The following PRKN variants were observed in gnomAD, a reference collection of about 807,000 sequenced individuals.
PRKN encodes the protein E3 ubiquitin-protein ligase parkin.
Under a neutral mutation model 59.5 loss-of-function variants are expected in PRKN, and 56 were observed. The observed-to-expected ratio is 0.94, with a 90% confidence interval of 0.76 to 1.18. PRKN has a LOEUF of 1.18. Among genes scored for constraint, PRKN ranks in the 50% most tolerant of loss-of-function variants. The pLI, the probability that PRKN is intolerant of heterozygous loss-of-function variation, is 0.00. For synonymous variants in PRKN, 250 were observed against 222.1 expected (o/e 1.13, Z -1.12); for missense variants, 657 against 596.4 (o/e 1.10, Z -1.06).
intron 6 of PRKN, among the ~76,000 whole-genome samples, chr6:161,825,915 A>G (rs1792225049): frequency 6.6e-6 from 1 of 152,162 alleles, no homozygotes; most frequent in African/African-American, 2.4e-5. Flanking sequence ...AGGGCCCCTG[A>G]AGCTGCGGCC....
intron 2 of PRKN, among the ~76,000 whole-genome samples, chr6:162,422,814 C>T (rs1359128968): frequency 2.6e-5 from 4 of 151,942 alleles, no homozygotes; most frequent in East Asian, 3.9e-4. Context: ...GACATGATGG[C>T]GTGCACCAGT....
rs763588687 is a variant in PRKN at position 161,347,613 on chromosome 6, G to GTTTTTTTTTTTTTTTTTTTTTTTTTT, written c.*2485_*2486insAAAAAAAAAAAAAAAAAAAAAAAAAA. The GTTTTTTTTTTTTTTTTTTTTTTTTTT allele has an allele frequency of 8.4e-6, 1 of 119,274 alleles. No homozygotes were observed. The allele number at this position is 119,274 out of a possible 1,614,324, so 7.4% of individuals were successfully genotyped here. A position where few individuals can be genotyped will look rare whatever the true frequency, so the allele number is the denominator to read the frequency against. ...GTGTAGTGGATGATCTTGCTTTTTT[G>GTTTTTTTTTTTTTTTTTTTTTTTTTT]TTTTTGTTTTTTTTTTTTTTTTGAG... On this transcript the variant is annotated 3_prime_UTR_variant, in exon 12 of 12. Transcript: ENST00000366898.
intron 7 of PRKN, among the ~76,000 whole-genome samples, chr6:161,676,725 CAAAGG>C (rs1191470013): frequency 6.6e-6 from 1 of 152,178 alleles, no homozygotes; most frequent in Non-Finnish European, 1.5e-5. Flanking sequence ...CAGGCCTAGT[CAAAGG>C]CTGGCCTGTT....
At chr6:161,885,440 A>G (rs542811022) in intron 6 of PRKN, among the ~76,000 whole-genome samples, 59 of 152,214 alleles carry the variant, frequency 3.9e-4, no homozygotes, top group East Asian at 5.8e-4. Flanking sequence ...CGAGGCGGGC[A>G]GATCACGAGG....
chr6:161,759,325 G>A (rs928031651), intron 7 of PRKN, among the ~76,000 whole-genome samples: 2 of 152,128 alleles, frequency 1.3e-5, no homozygotes, highest in African/African-American at 2.4e-5. Context: ...GGATCTAGGG[G>A]CTTCCTAGGT....
At chr6:161,838,948 C>T (rs2128220206) in intron 6 of PRKN, among the ~76,000 whole-genome samples, 1 of 152,302 alleles carries the variant, frequency 6.6e-6, no homozygotes, top group East Asian at 1.9e-4. Context: ...CTGACAAGCA[C>T]AAGCCCCACC....
At chr6:162,344,680 A>C (rs748438576) in intron 2 of PRKN, among the ~76,000 whole-genome samples, 1 of 151,296 alleles carries the variant, frequency 6.6e-6, no homozygotes, top group Non-Finnish European at 1.5e-5. Flanking sequence ...AAGCAGCCCC[A>C]CTACTACTAA....
intron 6 of PRKN, among the ~76,000 whole-genome samples, chr6:161,794,042 G>A (rs1790742060): frequency 6.6e-6 from 1 of 151,992 alleles, no homozygotes; most frequent in African/African-American, 2.4e-5. Flanking sequence ...TGTCAGGCAC[G>A]TTCCCTTTCA....
chr6:161,730,831 T>G (rs1295816940), intron 7 of PRKN, among the ~76,000 whole-genome samples: 1 of 152,166 alleles, frequency 6.6e-6, no homozygotes, highest in Non-Finnish European at 1.5e-5. Flanking sequence ...TCTGATGTGT[T>G]GCATTCTTTC....
chr6:161,677,068 T>C (rs767175085), intron 7 of PRKN, among the ~76,000 whole-genome samples: 6 of 152,222 alleles, frequency 3.9e-5, no homozygotes, highest in Non-Finnish European at 5.9e-5. Flanking sequence ...TTTACATCAA[T>C]TCTTGTGATT....
chr6:161,458,812 C>A lies in PRKN; in HGVS notation c.1084-71935G>T, dbSNP rs1361904670. Among the ~76,000 whole-genome samples, 1 of 152,128 alleles carries A rather than the reference C, an allele frequency of 6.6e-6. No homozygotes were observed. Among genetic ancestry groups the A allele is most frequent in the Non-Finnish European group, 1.5e-5 (1 of 68,030 alleles). ...TGTCAATGGAGAAATACTGACTTTGCCAGAAATTCGTAAATTTTTAGGAAA... is the reference window on the plus strand; with the variant it reads ...TGTCAATGGAGAAATACTGACTTTGACAGAAATTCGTAAATTTTTAGGAAA... On this transcript the variant is annotated intron_variant, in intron 9 of 11. Transcript: ENST00000366898. This position sits in a 1 kb window ranked among gnomAD's most constrained non-coding sequence, Gnocchi z 6.1.
At chr6:162,258,408 A>G (rs1317994190) in intron 3 of PRKN, among the ~76,000 whole-genome samples, 4 of 152,176 alleles carry the variant, frequency 2.6e-5, no homozygotes, top group Non-Finnish European at 5.9e-5. Context: ...CAATAGCTTC[A>G]TCTCATCTGT....
Position 161,409,165 on chromosome 6 carries a change from C to T in PRKN, c.1084-22288G>A, listed in dbSNP as rs898425072. ...TTCACCATATTGGCCAGGCTGGTCT[C>T]GAACTCCTGACCTTGTGATCCACCC... On this transcript the variant is annotated intron_variant, in intron 9 of 11. Transcript: ENST00000366898. This position sits in a 1 kb window ranked among gnomAD's most constrained non-coding sequence, Gnocchi z 4.6. Among the ~76,000 whole-genome samples, 22 of 152,046 alleles carry T rather than the reference C, an allele frequency of 1.4e-4. No individual in the cohort carries two copies. Among genetic ancestry groups the T allele is most frequent in the African/African-American group, 4.8e-4 (20 of 41,374 alleles).
rs919315960 is a variant in PRKN at position 161,402,411 on chromosome 6, G to A, written c.1084-15534C>T. On this transcript the variant is annotated intron_variant, in intron 9 of 11. Coordinates refer to ENST00000366898, the MANE Select transcript of PRKN (RefSeq NM_004562.3). This position sits in a 1 kb window ranked among gnomAD's most constrained non-coding sequence, Gnocchi z 4.5. ...AGAGCAAGTGACTGTGTCCCAGGGC[G>A]GCTGAGATAATGCGCGGATCTCAGG... is the stretch of plus-strand genomic sequence containing the variant. Among the ~76,000 whole-genome samples, 4 of 152,114 alleles carry A rather than the reference G, an allele frequency of 2.6e-5. No individual in the cohort carries two copies. Among genetic ancestry groups the A allele is most frequent in the African/African-American group, 7.3e-5 (3 of 41,378 alleles).
chr6:162,724,513 C>A (rs1461024392), intron 1 of PRKN, among the ~76,000 whole-genome samples: 1 of 152,118 alleles, frequency 6.6e-6, no homozygotes, highest in Admixed American at 6.5e-5. Context: ...TACGTTTCTC[C>A]TTAAACTAAG....
intron 6 of PRKN, among the ~76,000 whole-genome samples, chr6:161,939,263 C>CA (rs1779464446): frequency 6.6e-6 from 1 of 151,168 alleles, no homozygotes; most frequent in Non-Finnish European, 1.5e-5. Context: ...ACTAAAAGTA[C>CA]AAAAAATGGC....
At chr6:161,949,383 C>T (rs1050747304) in intron 6 of PRKN, among the ~76,000 whole-genome samples, 2 of 152,032 alleles carry the variant, frequency 1.3e-5, no homozygotes, top group African/African-American at 2.4e-5. Flanking sequence ...TTGTGGCAGG[C>T]GCCTGTAGTC....
chr6:162,517,738 T>C (rs1463404501), intron 1 of PRKN, among the ~76,000 whole-genome samples: 3 of 152,122 alleles, frequency 2.0e-5, no homozygotes, highest in African/African-American at 7.2e-5. Flanking sequence ...TTTAAAAAAC[T>C]GAATGAAGGA....
intron 1 of PRKN, among the ~76,000 whole-genome samples, chr6:162,510,608 T>G (rs1777560900): frequency 6.6e-6 from 1 of 152,102 alleles, no homozygotes; most frequent in Non-Finnish European, 1.5e-5. Flanking sequence ...CAAAGTACTT[T>G]CTCATATCAC....
Sources: allele counts gnomAD v4.1 joint callset (sites outside exome capture counted in the v4.1 genomes callset), GRCh38; gene constraint gnomAD v4.1.1; non-coding constraint Gnocchi (gnomAD v3.1); transcripts MANE v1.5; gene names NCBI Gene and HGNC (gene_info 2026-07-23, HGNC 2026-07-21).